The following ZNF799 variants were observed in gnomAD, a reference collection of about 807,000 sequenced individuals.
ZNF799 encodes zinc finger protein 799.
ZNF799 carries 28 observed loss-of-function variants against 41.0 expected under a neutral mutation model. The observed-to-expected ratio is 0.68, with a 90% CI of 0.51 to 0.94. The LOEUF (loss-of-function observed/expected upper bound fraction) is 0.94, where lower values mean the gene tolerates loss of function less well. ZNF799 is among the 40% of genes least tolerant of loss of function. ZNF799 has a pLI of 0.00. For missense variants in ZNF799, 716 were observed against 764.3 expected, an observed-to-expected ratio of 0.94 and a Z score of 0.74; for synonymous variants, 213 against 252.9, an observed-to-expected ratio of 0.84 and a Z score of 1.50.
intron 1 of ZNF799, chr19:12,400,769 G>A: frequency 1.8e-6 from 1 of 563,382 alleles, no homozygotes; most frequent in Non-Finnish European, 3.1e-6. Flanking sequence ...CAGTGAGTCG[G>A]GCCGCGAACC....
intron 1 of ZNF799, among the ~76,000 whole-genome samples, chr19:12,396,605 T>C (rs1357527904): frequency 6.6e-6 from 1 of 152,120 alleles, no homozygotes; most frequent in Non-Finnish European, 1.5e-5. Flanking sequence ...GCTGAGATCA[T>C]GCCACTGCAC....
chr19:12,401,380 T>C, upstream of ZNF799: 1 of 701,852 alleles, frequency 1.4e-6, no homozygotes, highest in Non-Finnish European at 2.2e-6. Flanking sequence ...TGGAGCCAGA[T>C]GAGCAAGTTC....
chr19:12,398,068 T>A (rs1969925410), intron 1 of ZNF799: 1 of 151,910 alleles, frequency 6.6e-6, no homozygotes, highest in Non-Finnish European at 1.5e-5. Flanking sequence ...CTGGCCAATA[T>A]GGCGAAACTG....
the ZNF799 span, among the ~76,000 whole-genome samples, chr19:12,407,347 A>G: frequency 3.3e-5 from 5 of 152,084 alleles, no homozygotes; most frequent in African/African-American, 1.2e-4. Context: ...TCTGTGATAC[A>G]GGCTACTTGG....
At chr19:12,396,562 T>C (rs1969896652) in intron 1 of ZNF799, among the ~76,000 whole-genome samples, 1 of 152,188 alleles carries the variant, frequency 6.6e-6, no homozygotes. Context: ...GGCAGAAGAA[T>C]CGCTTGAACC....
At chr19:12,400,620 C>T (rs1969963809) in intron 1 of ZNF799, 1 of 253,598 alleles carries the variant, frequency 3.9e-6, no homozygotes, top group Non-Finnish European at 7.6e-6. Context: ...AGGATTCACC[C>T]CTCACTTCCC....
At position 12,390,722 on chromosome 19, in the gene ZNF799, G is replaced by C. The variant is rs761325835; in HGVS notation, c.1676C>G (p.Pro559Arg). Residue 559 changes from proline to arginine, a missense_variant, in exon 4 of 4, where the codon CCC (proline) becomes CGC (arginine). Transcript: ENST00000430385. ...TTTACCACATTGTTGACACTCATAG[G>C]GTTTCTCTCTCATGTGAATTCTTTC... Reference protein sequence around the residue: ...RHERIHMREKPYECQQCGKAF... With the variant: ...RHERIHMREKRYECQQCGKAF... 1 of 1,613,304 alleles carries C rather than the reference G, an allele frequency of 6.2e-7. No individual in the cohort carries two copies. The highest frequency in any genetic ancestry group is 1.1e-5 in the South Asian group (1 of 91,052).
chr19:12,397,940 C>T (rs1969922539), intron 1 of ZNF799, among the ~76,000 whole-genome samples: 1 of 152,052 alleles, frequency 6.6e-6, no homozygotes, highest in Non-Finnish European at 1.5e-5. Context: ...AAATATACTC[C>T]ATTCTAGCCC....
rs142053509 is a variant in ZNF799, at chr19:12,399,482, G to C, written c.3+1586C>G. Among the ~76,000 whole-genome samples the C allele has an allele frequency of 2.6e-3, 388 of 151,770 alleles. 3 individuals carry two copies. The highest frequency in any genetic ancestry group is 9.2e-3 in the African/African-American group (377 of 41,148). On this transcript the variant is annotated intron_variant, in intron 1 of 3. Transcript: ENST00000430385. ...GAAAAGGTGAGTGTCCCAGGAGTTA[G>C]CTTTTTACAGGAATTATATACCAGA...
chr19:12,411,481 T>A, the ZNF799 span, among the ~76,000 whole-genome samples: 1 of 152,132 alleles, frequency 6.6e-6, no homozygotes, highest in Non-Finnish European at 1.5e-5. Flanking sequence ...CAGGGACAAA[T>A]GGTTATCTTC....
chr19:12,400,778 C>T (rs1182710853), intron 1 of ZNF799: 18 of 572,676 alleles, frequency 3.1e-5, no homozygotes, highest in Non-Finnish European at 4.9e-5. Context: ...GGGCCGCGAA[C>T]CTGTGTTGCT....
intron 1 of ZNF799, among the ~76,000 whole-genome samples, chr19:12,398,640 A>AT (rs1491377025): frequency 6.6e-6 from 1 of 152,230 alleles, no homozygotes; most frequent in Non-Finnish European, 1.5e-5. Flanking sequence ...TGTCAAACCC[A>AT]TATAACAGGA....
chr19:12,400,339 T>G, intron 1 of ZNF799: 1 of 152,290 alleles, frequency 6.6e-6, no homozygotes, highest in East Asian at 1.9e-4. Flanking sequence ...TCACAGGAAC[T>G]GCGAGCCAGG....
upstream of ZNF799, among the ~76,000 whole-genome samples, chr19:12,401,601 G>A (rs1180787945): frequency 2.6e-5 from 3 of 114,298 alleles, no homozygotes; most frequent in African/African-American, 1.1e-4. Context: ...AGAGAGAGAG[G>A]GAGTCTTGCT....
At chr19:12,398,639 C>G (rs1270415642) in intron 1 of ZNF799, among the ~76,000 whole-genome samples, 1 of 152,176 alleles carries the variant, frequency 6.6e-6, no homozygotes, top group Non-Finnish European at 1.5e-5. Flanking sequence ...CTGTCAAACC[C>G]ATATAACAGG....
intron 1 of ZNF799, chr19:12,400,619 C>G (rs1286987671): frequency 8.0e-6 from 2 of 250,024 alleles, no homozygotes; most frequent in Admixed American, 5.3e-5. Context: ...CAGGATTCAC[C>G]CCTCACTTCC....
the ZNF799 span, among the ~76,000 whole-genome samples, chr19:12,414,063 T>C: frequency 6.6e-6 from 1 of 152,164 alleles, no homozygotes; most frequent in Non-Finnish European, 1.5e-5. Flanking sequence ...GGGCGTCTCT[T>C]AGCAACAGAG....
At chr19:12,411,340 A>G in the ZNF799 span, among the ~76,000 whole-genome samples, 1 of 152,160 alleles carries the variant, frequency 6.6e-6, no homozygotes, top group Non-Finnish European at 1.5e-5. Context: ...TATTAACCAC[A>G]ATGACTAAAA....
chr19:12,390,541 G>C lies in ZNF799; in HGVS notation c.1857C>G (p.Asn619Lys), dbSNP rs776294449. The change falls in exon 4 of 4, where the codon AAC (asparagine) becomes AAG (lysine). Residue 619 changes from asparagine (N) to lysine (K), a missense_variant. Transcript: ENST00000430385. ...TCCCACATTCCTTACATCCATACGG[G>C]TTCTCTCCAGTGTGAGTTTTTTTCC... Reference protein sequence around the residue: ...THWKKTHTGENPYGCKECGKA... With the variant: ...THWKKTHTGEKPYGCKECGKA... 5.0e-6 allele frequency: 8 copies of C among 1,613,080 alleles called. No homozygotes were observed. The highest frequency in any genetic ancestry group is 1.3e-5 in the African/African-American group (1 of 74,674).
Sources: gnomAD v4.1 joint callset for allele counts (sites outside exome capture counted in the v4.1 genomes callset) on GRCh38, gnomAD v4.1.1 for gene constraint, MANE v1.5 for transcripts, NCBI Gene and HGNC (gene_info 2026-07-23, HGNC 2026-07-21) for gene names.